The following CEP57L1 variants were observed in gnomAD, a reference collection of about 807,000 sequenced individuals.
The protein encoded by CEP57L1 is centrosomal protein 57 like 1.
A neutral mutation model predicts 61.0 loss-of-function variants in CEP57L1; 37 were observed. The ratio of observed to expected loss-of-function variants is 0.61; its 90% CI spans 0.47 to 0.80. The LOEUF is 0.80. Among genes scored for constraint, CEP57L1 ranks in the 30% least tolerant of loss-of-function variants. The probability of loss-of-function intolerance (pLI) is 0.00; values close to 1 mark genes in which losing one functional copy is unlikely to be tolerated. For missense variants in CEP57L1, 422 were observed against 524.7 expected, an observed-to-expected ratio of 0.80 and a Z score of 1.91; for synonymous variants, 137 against 162.3, an observed-to-expected ratio of 0.84 and a Z score of 1.19.
chr6:109,127,545 T>A lies in CEP57L1; in HGVS notation c.-3-17674T>A, dbSNP rs187494544. 8.5e-3 allele frequency among the ~76,000 whole-genome samples: 1,296 copies of A among 152,260 alleles called. 24 individuals are homozygous for A. The highest frequency in any genetic ancestry group is 0.029 in the African/African-American group (1,211 of 41,564). On this transcript the variant is annotated intron_variant, in intron 1 of 10. Coordinates refer to ENST00000517392, the MANE Select transcript of CEP57L1 (RefSeq NM_001271852.3). ...CACTTCTCTTAACATTCCTTTTTTT[T>A]AATCTCCTTTGAGAGTTTTTTTTTT...
At chr6:109,127,824 T>C (rs1773743325) in intron 1 of CEP57L1, among the ~76,000 whole-genome samples, 2 of 151,836 alleles carry the variant, frequency 1.3e-5, no homozygotes, top group Non-Finnish European at 1.5e-5. Flanking sequence ...GAGACGAGGT[T>C]TCACCATGTT....
Position 109,170,610 on chromosome 6 carries a change from CA to C in CEP57L1, c.*7643del, listed in dbSNP as rs1774357492. 6.6e-6 allele frequency among the ~76,000 whole-genome samples: 1 copy of C among 152,120 alleles called. No individual in the cohort carries two copies. Among genetic ancestry groups the C allele is most frequent in the East Asian group, 1.9e-4 (1 of 5,196 alleles). ...ATCACTGTAGATCCGTTTAACTTTA[CA>C]AATGTGTTATTTAAAACATAAACCA... On this transcript the variant is annotated 3_prime_UTR_variant, in exon 11 of 11. Transcript: ENST00000517392.
chr6:109,139,632 C>T (rs1771126674), intron 1 of CEP57L1, among the ~76,000 whole-genome samples: 1 of 151,938 alleles, frequency 6.6e-6, no homozygotes, highest in African/African-American at 2.4e-5. Flanking sequence ...ACTACAGGCG[C>T]CTGCCACCAC....
rs903292138 is a variant in CEP57L1 at position 109,163,197 on chromosome 6, C to G, written c.*227C>G. On this transcript the variant is annotated 3_prime_UTR_variant, in exon 11 of 11. Transcript: ENST00000517392. ...TATTGATTGAAGCCCGTAACCTCAT[C>G]TTGTCTTAGAAACATTGTTGGCTTT... is the stretch of plus-strand genomic sequence containing the variant. 5.2e-6 allele frequency: 2 copies of G among 387,520 alleles called. No individual in the cohort carries two copies. The highest frequency in any genetic ancestry group is 4.2e-5 in the African/African-American group (2 of 47,950). The allele number at this position is 387,520 out of a possible 1,614,324, so 24.0% of individuals were successfully genotyped here. A position where few individuals can be genotyped will look rare whatever the true frequency, so the allele number is the denominator to read the frequency against.
intron 1 of CEP57L1, among the ~76,000 whole-genome samples, chr6:109,142,946 G>GCTCTCTCTCTCTCTCTCTCTCT (rs35714375): frequency 1.8e-5 from 1 of 55,478 alleles, no homozygotes; most frequent in Non-Finnish European, 3.7e-5. Context: ...TGTCTCTCTT[G>GCTCTCTCTCTCTCTCTCTCTCT]CTCTCTCTCT....
At chr6:109,108,111 G>C (rs191084520) in intron 1 of CEP57L1, among the ~76,000 whole-genome samples, 14 of 152,218 alleles carry the variant, frequency 9.2e-5, no homozygotes, top group African/African-American at 3.4e-4. Context: ...CCCAGAACTA[G>C]TTAGAAACTA....
At chr6:109,095,420 C>CT (rs1445444099), upstream of CEP57L1, 3 of 985,792 alleles carry the variant, frequency 3.0e-6, no homozygotes, top group Admixed American at 1.8e-4. Context: ...GGTAGGACGT[C>CT]TTCGCGTTGA....
intron 4 of CEP57L1, among the ~76,000 whole-genome samples, chr6:109,151,210 G>A (rs1443542492): frequency 6.6e-6 from 1 of 152,092 alleles, no homozygotes; most frequent in Admixed American, 6.6e-5. Context: ...ATATTGATGG[G>A]TCAAATACAT....
chr6:109,155,185 G>C, intron 5 of CEP57L1, 45 bp from the exon 6 acceptor site: 1 of 1,178,100 alleles, frequency 8.5e-7, no homozygotes, highest in Non-Finnish European at 1.2e-6. Context: ...AATGATATTT[G>C]GCTCTAGTTT....
chr6:109,099,667 A>C (rs773044568), intron 1 of CEP57L1, among the ~76,000 whole-genome samples: 4 of 152,094 alleles, frequency 2.6e-5, no homozygotes, highest in Non-Finnish European at 4.4e-5. Flanking sequence ...CTCCTGCCTC[A>C]GCCTCCTGAG....
At position 109,171,399 on chromosome 6, in the gene CEP57L1, C is replaced by T. The variant is rs987966129; in HGVS notation, c.*8429C>T. ...GATTACAGGCATGCGTCACCACACC[C>T]GGCTGTTTTTTTTTTTCGCATTTTT... On this transcript the variant is annotated 3_prime_UTR_variant, in exon 11 of 11. Coordinates refer to ENST00000517392, the MANE Select transcript of CEP57L1 (RefSeq NM_001271852.3). 4.8e-5 allele frequency among the ~76,000 whole-genome samples: 7 copies of T among 146,880 alleles called. No homozygotes were observed. Among genetic ancestry groups the T allele is most frequent in the South Asian group, 2.3e-4 (1 of 4,440 alleles).
intron 7 of CEP57L1, 190 bp from the exon 8 acceptor site, chr6:109,158,835 C>G: frequency 1.6e-6 from 1 of 610,756 alleles, no homozygotes; most frequent in Non-Finnish European, 2.9e-6. Context: ...ACTCGCATTT[C>G]CATAATTAAT....
chr6:109,107,474 A>G (rs577763194), intron 1 of CEP57L1, among the ~76,000 whole-genome samples: 1 of 152,342 alleles, frequency 6.6e-6, no homozygotes, highest in East Asian at 1.9e-4. Flanking sequence ...CATGCGTTTC[A>G]GATACCTGTT....
chr6:109,157,778 A>C (rs1047842799), intron 7 of CEP57L1: 3 of 152,210 alleles, frequency 2.0e-5, no homozygotes, highest in South Asian at 4.1e-4. Flanking sequence ...TTCTGAGAAG[A>C]GTAGGGACAT....
intron 1 of CEP57L1, among the ~76,000 whole-genome samples, chr6:109,117,047 G>A (rs2114672000): frequency 6.6e-6 from 1 of 152,224 alleles, no homozygotes; most frequent in African/African-American, 2.4e-5. Context: ...TTAATAATCT[G>A]AGATTGATAA....
rs750032572 is a variant in CEP57L1 at position 109,153,843 on chromosome 6, AG to A, written c.474del (p.Arg159GlyfsTer8). The A allele has an allele frequency of 1.2e-6, 2 of 1,607,708 alleles. No individual in the cohort carries two copies. The highest frequency in any genetic ancestry group is 1.7e-6 in the Non-Finnish European group (2 of 1,176,362). ...TTTTATCCTTTCTAGGCCCAGCTTC[AG>A]AGGGAAAAAGAACAAGATCAGATGA... ...NMILEQQAQLQREKEQDQMKL... is the reference protein window; with the variant it reads ...NMILEQQAQLXREKEQDQMKL... On this transcript the variant is annotated frameshift_variant, in exon 5 of 11. Coordinates refer to ENST00000517392, the MANE Select transcript of CEP57L1 (RefSeq NM_001271852.3). LOFTEE classifies it high-confidence loss of function.
At chr6:109,101,575 A>T (rs1398692224) in intron 1 of CEP57L1, among the ~76,000 whole-genome samples, 2 of 150,804 alleles carry the variant, frequency 1.3e-5, no homozygotes, top group Admixed American at 6.6e-5. Context: ...AGGTAACCCT[A>T]TGTTTAGCTT....
chr6:109,129,411 T>C (rs1773935559), intron 1 of CEP57L1: 2 of 810,890 alleles, frequency 2.5e-6, no homozygotes, highest in South Asian at 1.4e-5. Flanking sequence ...TCAATTGTGC[T>C]GAGTGTCCCC....
At chr6:109,141,032 A>C (rs947027843) in intron 1 of CEP57L1, among the ~76,000 whole-genome samples, 5 of 151,052 alleles carry the variant, frequency 3.3e-5, no homozygotes. Context: ...AGGTTTCACC[A>C]TGTTGGCCAA....
Sources: gnomAD v4.1 joint callset for allele counts (sites outside exome capture counted in the v4.1 genomes callset) on GRCh38, gnomAD v4.1.1 for gene constraint, MANE v1.5 for transcripts, NCBI Gene and HGNC (gene_info 2026-07-23, HGNC 2026-07-21) for gene names.